PCDH15: variants seen among roughly 807,000 people sequenced by gnomAD.
PCDH15 encodes the protein protocadherin-15.
A neutral mutation model predicts 178.5 loss-of-function variants in PCDH15; 129 were observed. The ratio of observed to expected loss-of-function variants is 0.72; its 90% CI spans 0.63 to 0.84. PCDH15 has a LOEUF of 0.84. PCDH15 is among the 40% of genes least tolerant of loss of function. The pLI, the probability that PCDH15 is intolerant of heterozygous loss-of-function variation, is 0.00. For synonymous variants in PCDH15, 800 were observed against 732.0 expected, an observed-to-expected ratio of 1.09 and a Z score of -1.50; for missense variants, 2,230 against 2,099.9, an observed-to-expected ratio of 1.06 and a Z score of -1.21.
intron 1 of PCDH15, among the ~76,000 whole-genome samples, chr10:55,211,503 T>A (rs1052949501): frequency 2.6e-5 from 4 of 152,110 alleles, no homozygotes; most frequent in Non-Finnish European, 5.9e-5. Context: ...CATAGAGCTA[T>A]CAAACTAGTG....
At chr10:55,461,271 G>A (rs527753465) in intron 2 of PCDH15, among the ~76,000 whole-genome samples, 1 of 152,008 alleles carries the variant, frequency 6.6e-6, no homozygotes, top group Non-Finnish European at 1.5e-5. Context: ...GCTTTGCCTG[G>A]GATACTCCTC....
intron 2 of PCDH15, among the ~76,000 whole-genome samples, chr10:55,433,713 T>TC (rs1317694036): frequency 6.6e-6 from 1 of 152,170 alleles, no homozygotes; most frequent in Non-Finnish European, 1.5e-5. Context: ...ATCCTCTTCT[T>TC]CCCCAATAAC....
chr10:55,476,929 T>C (rs1021584420), intron 2 of PCDH15, among the ~76,000 whole-genome samples: 1 of 151,966 alleles, frequency 6.6e-6, no homozygotes, highest in African/African-American at 2.4e-5. Context: ...AAAAATCCAG[T>C]TTTATTTCAT....
intron 3 of PCDH15, among the ~76,000 whole-genome samples, chr10:54,845,842 A>C (rs944287350): frequency 6.6e-6 from 1 of 152,112 alleles, no homozygotes; most frequent in African/African-American, 2.4e-5. Flanking sequence ...AAATGACTGG[A>C]TATTGACTGA....
intron 29 of PCDH15, among the ~76,000 whole-genome samples, chr10:53,834,962 C>T (rs577980760): frequency 3.3e-5 from 5 of 152,224 alleles, no homozygotes; most frequent in South Asian, 4.2e-4. Flanking sequence ...ACAATTTAGG[C>T]GTACAGAGTG....
intron 2 of PCDH15, among the ~76,000 whole-genome samples, chr10:55,413,806 A>T (rs372508126): frequency 3.2e-4 from 49 of 151,332 alleles, no homozygotes; most frequent in Middle Eastern, 3.4e-3. Context: ...GCTCGGAAAT[A>T]TTTTTTTTAG....
intron 20 of PCDH15, among the ~76,000 whole-genome samples, chr10:54,018,645 C>G (rs1332421678): frequency 6.6e-6 from 1 of 152,082 alleles, no homozygotes; most frequent in Non-Finnish European, 1.5e-5. Flanking sequence ...CCACTCAGCT[C>G]TTACACATTT....
chr10:53,888,690 T>TAC (rs2081343016), intron 26 of PCDH15, among the ~76,000 whole-genome samples: 3 of 52,322 alleles, frequency 5.7e-5, no homozygotes, highest in African/African-American at 1.7e-4. Context: ...TATATATATA[T>TAC]ATATATATAT....
intron 2 of PCDH15, among the ~76,000 whole-genome samples, chr10:55,583,423 CTTAT>C (rs566772115): frequency 6.6e-6 from 1 of 151,848 alleles, no homozygotes; most frequent in Non-Finnish European, 1.5e-5. Context: ...TTAACACTAT[CTTAT>C]TTATTTATTT....
chr10:54,270,388 T>C (rs2057973337), intron 8 of PCDH15, among the ~76,000 whole-genome samples: 1 of 152,150 alleles, frequency 6.6e-6, no homozygotes, highest in Admixed American at 6.6e-5. Context: ...ATGAACACAT[T>C]CTAAATTTGG....
intron 3 of PCDH15, among the ~76,000 whole-genome samples, chr10:54,455,146 C>A (rs775903862): frequency 6.6e-6 from 1 of 152,092 alleles, no homozygotes; most frequent in Non-Finnish European, 1.5e-5. Flanking sequence ...GCCTCTCCAG[C>A]CCTGTGGAAC....
chr10:54,174,258 C>T (rs760972600), intron 13 of PCDH15, among the ~76,000 whole-genome samples: 4 of 151,984 alleles, frequency 2.6e-5, no homozygotes, highest in African/African-American at 4.8e-5. Context: ...TAAGGCCGGG[C>T]GTGGTGGCTC....
intron 3 of PCDH15, among the ~76,000 whole-genome samples, chr10:54,817,754 C>A (rs978869173): frequency 1.3e-5 from 2 of 151,974 alleles, no homozygotes; most frequent in African/African-American, 4.8e-5. Flanking sequence ...TTCATTATTT[C>A]TTTTCATACA....
intron 3 of PCDH15, among the ~76,000 whole-genome samples, chr10:54,525,270 T>G (rs2083263416): frequency 6.6e-6 from 1 of 152,172 alleles, no homozygotes; most frequent in Non-Finnish European, 1.5e-5. Context: ...TCAAGTAAAT[T>G]TACTAATTTA....
chr10:53,961,304 T>C (rs986215015), intron 22 of PCDH15, among the ~76,000 whole-genome samples: 2 of 152,010 alleles, frequency 1.3e-5, no homozygotes, highest in Non-Finnish European at 2.9e-5. Flanking sequence ...GCATTTATTG[T>C]AACAAAAAAT....
intron 1 of PCDH15, among the ~76,000 whole-genome samples, chr10:54,693,695 G>C (rs1565958728): frequency 6.6e-6 from 1 of 152,144 alleles, no homozygotes; most frequent in African/African-American, 2.4e-5. Flanking sequence ...AATAGGGAAA[G>C]ACTCTCTAAG....
At chr10:54,995,573 C>T (rs1377062566) in intron 2 of PCDH15, among the ~76,000 whole-genome samples, 1 of 151,718 alleles carries the variant, frequency 6.6e-6, no homozygotes, top group Non-Finnish European at 1.5e-5. Context: ...ACTGGTCCAA[C>T]TGTCCCGTAG....
At chr10:54,463,891 C>A (rs1044472400) in intron 3 of PCDH15, among the ~76,000 whole-genome samples, 6 of 152,030 alleles carry the variant, frequency 3.9e-5, no homozygotes, top group African/African-American at 1.2e-4. Context: ...AAGGAAGAAA[C>A]ACAGAGAAGA....
At chr10:55,432,116 AC>A (rs1250765775) in intron 2 of PCDH15, among the ~76,000 whole-genome samples, 9 of 95,322 alleles carry the variant, frequency 9.4e-5, no homozygotes, top group African/African-American at 3.3e-4. Flanking sequence ...CACACACACC[AC>A]AAGTCTCTCC....
Sources: allele counts gnomAD v4.1 joint callset (sites outside exome capture counted in the v4.1 genomes callset), GRCh38; gene constraint gnomAD v4.1.1; transcripts MANE v1.5; gene names NCBI Gene and HGNC (gene_info 2026-07-23, HGNC 2026-07-21).